FLNB: variants seen among roughly 807,000 people sequenced by gnomAD.
The protein encoded by FLNB is filamin B.
A neutral mutation model predicts 250.6 loss-of-function variants in FLNB; 111 were observed. That is an observed-to-expected ratio of 0.44 (90% CI 0.38 to 0.52). The LOEUF (loss-of-function observed/expected upper bound fraction) is 0.52, where lower values mean the gene tolerates loss of function less well. FLNB is among the 20% of genes least tolerant of loss of function. FLNB has a pLI of 0.00. For synonymous variants in FLNB, 1,302 were observed against 1,372.1 expected (o/e 0.95, Z 1.13); for missense variants, 2,869 against 3,447.8 (o/e 0.83, Z 4.20).
intron 1 of FLNB, among the ~76,000 whole-genome samples, chr3:58,064,116 T>C (rs2097182126): frequency 6.6e-6 from 1 of 152,198 alleles, no homozygotes. Context: ...AGCACAGAGC[T>C]GGGAGCTCAG....
chr3:58,111,421 C>G (rs2097268441), intron 16 of FLNB, among the ~76,000 whole-genome samples: 1 of 152,174 alleles, frequency 6.6e-6, no homozygotes, highest in South Asian at 2.1e-4. Context: ...TTTCCCCAGA[C>G]CTTAGCTCTC....
intron 3 of FLNB, 111 bp from the exon 4 acceptor site, chr3:58,081,518 T>C: frequency 1.0e-6 from 1 of 997,902 alleles, no homozygotes; most frequent in Non-Finnish European, 1.6e-6. Flanking sequence ...ATTGAGAAGC[T>C]GACTCAGTTT....
intron 1 of FLNB, among the ~76,000 whole-genome samples, chr3:58,047,869 C>T (rs768528348): frequency 2.6e-5 from 4 of 152,068 alleles, no homozygotes; most frequent in Non-Finnish European, 5.9e-5. Context: ...TGGCCACATG[C>T]GTGTTTTTTA....
intron 1 of FLNB, among the ~76,000 whole-genome samples, chr3:58,043,253 G>T (rs1485115626): frequency 6.8e-6 from 1 of 146,986 alleles, no homozygotes; most frequent in African/African-American, 2.5e-5. Context: ...TTCTGCCTCA[G>T]CCTCCCAAGT....
intron 36 of FLNB, 75 bp from the exon 37 acceptor site, chr3:58,149,775 G>A (rs1370592728): frequency 2.5e-6 from 4 of 1,578,304 alleles, no homozygotes; most frequent in African/African-American, 1.3e-5. Context: ...AGGGTCGGAT[G>A]TCCTTTCTCC....
intron 42 of FLNB, chr3:58,162,427 C>T (rs926348266): frequency 6.6e-6 from 1 of 152,596 alleles, no homozygotes; most frequent in African/African-American, 2.4e-5. Context: ...AGCCACAAAC[C>T]TGCCCTGTGG....
intron 12 of FLNB, among the ~76,000 whole-genome samples, chr3:58,107,121 C>T (rs1004949912): frequency 1.3e-5 from 2 of 152,158 alleles, no homozygotes; most frequent in Non-Finnish European, 2.9e-5. Flanking sequence ...CCTCTGCCTC[C>T]TGGGTTCAAG....
chr3:58,077,113 C>T lies in FLNB; in HGVS notation c.360C>T (p.His120=), dbSNP rs752776904. Residue 120 remains histidine (H), a synonymous_variant, in exon 2 of 46, where the codon CAC becomes CAT. Coordinates refer to ENST00000295956, the MANE Select transcript of FLNB (RefSeq NM_001457.4). ...GTCTGGTGTGGACGCTGATCCTCCA[C>T]TACTCCATCTCCATGCCCGTGTGGG... ...ILGLVWTLIL[H]YSISMPVWED... 2.5e-6 allele frequency: 4 copies of T among 1,614,158 alleles called. No individual in the cohort carries two copies. The South Asian group carries it at 4.4e-5, about 18-fold the overall frequency.
chr3:58,067,783 G>C (rs565196695), intron 1 of FLNB, among the ~76,000 whole-genome samples: 1 of 152,100 alleles, frequency 6.6e-6, no homozygotes, highest in East Asian at 1.9e-4. Context: ...TTTTTTAATA[G>C]AGACGGGGTG....
chr3:58,016,072 G>C (rs1356246260), intron 1 of FLNB, among the ~76,000 whole-genome samples: 1 of 149,122 alleles, frequency 6.7e-6, no homozygotes, highest in Non-Finnish European at 1.5e-5. Context: ...TTTTTTTTTT[G>C]AGTTGGAGTT....
At position 58,046,455 on chromosome 3, in the gene FLNB, G is replaced by T. The variant is rs1025974945; in HGVS notation, c.293-30591G>T. On this transcript the variant is annotated intron_variant, in intron 1 of 45. Transcript: ENST00000295956. The stretch of plus-strand genomic sequence containing the variant: ...CTATCATCACTATAATTTTAGAATT[G>T]TTTTTTTTTTTTTGGAGACGGAGTC... Among the ~76,000 whole-genome samples the T allele has an allele frequency of 7.7e-3, 1,112 of 144,178 alleles. 11 individuals carry two copies. The highest frequency in any genetic ancestry group is 0.01 in the South Asian group (47 of 4,514). The allele number at this position is 144,178 out of a possible 152,430, so 94.6% of individuals were successfully genotyped here.
At chr3:58,147,210 G>T (rs1207614225) in intron 34 of FLNB, among the ~76,000 whole-genome samples, 2 of 152,212 alleles carry the variant, frequency 1.3e-5, no homozygotes, top group Non-Finnish European at 2.9e-5. Context: ...CTAGTATTTG[G>T]AGCACACTTT....
chr3:58,071,354 C>A (rs905423260), intron 1 of FLNB, among the ~76,000 whole-genome samples: 1 of 145,804 alleles, frequency 6.9e-6, no homozygotes, highest in East Asian at 2.1e-4. Flanking sequence ...TCTTGGCTCA[C>A]TGTAGCCTAT....
Position 58,168,374 on chromosome 3 carries a change from G to A in FLNB, c.7199-66G>A, listed in dbSNP as rs1326035733. Reference sequence around the variant, plus strand: ...GGGATCTATGTGTGTCCCTCACCACGGCCTCAGTGCTCCCAGGAAAGCCCT... The same window carrying A: ...GGGATCTATGTGTGTCCCTCACCACAGCCTCAGTGCTCCCAGGAAAGCCCT... On this transcript the variant is annotated intron_variant, in intron 43 of 45. Coordinates refer to ENST00000295956, the MANE Select transcript of FLNB (RefSeq NM_001457.4). The A allele has an allele frequency of 8.1e-6, 10 of 1,231,114 alleles. No homozygotes were observed. In the East Asian group the frequency reaches 9.6e-5, roughly 12 times the overall value. 76.3% of individuals were successfully genotyped at this position (1,231,114 alleles called of 1,614,324 possible).
At chr3:58,085,917 C>T (rs4681784) in intron 4 of FLNB, among the ~76,000 whole-genome samples, 3 of 151,938 alleles carry the variant, frequency 2.0e-5, no homozygotes, top group Non-Finnish European at 2.9e-5. Flanking sequence ...CTGCAGAGTA[C>T]GTTGTTTCTT....
intron 38 of FLNB, among the ~76,000 whole-genome samples, chr3:58,152,295 TC>T (rs1431491693): frequency 6.6e-6 from 1 of 152,210 alleles, no homozygotes; most frequent in African/African-American, 2.4e-5. Flanking sequence ...TTGCGGGGCA[TC>T]TTTGTCAGTT....
At chr3:58,098,049 C>G in intron 7 of FLNB, 72 bp downstream of exon 7, 1 of 1,470,178 alleles carries the variant, frequency 6.8e-7, no homozygotes, top group Non-Finnish European at 9.5e-7. Flanking sequence ...TCCTCGGGGA[C>G]TTGAAGGCCT....
chr3:58,050,122 C>T (rs1400989478), intron 1 of FLNB, among the ~76,000 whole-genome samples: 4 of 151,550 alleles, frequency 2.6e-5, no homozygotes, highest in Non-Finnish European at 5.9e-5. Flanking sequence ...CTCTGCCTCC[C>T]GGGTTCTAAC....
At chr3:58,081,508 A>G in intron 3 of FLNB, 121 bp from the exon 4 acceptor site, 1 of 960,778 alleles carries the variant, frequency 1.0e-6, no homozygotes, top group East Asian at 2.4e-5. Context: ...ATTTCACTTA[A>G]TTGAGAAGCT....
Sources: gnomAD v4.1 joint callset for allele counts (sites outside exome capture counted in the v4.1 genomes callset) on GRCh38, gnomAD v4.1.1 for gene constraint, MANE v1.5 for transcripts, NCBI Gene and HGNC (gene_info 2026-07-23, HGNC 2026-07-21) for gene names.